Variants in ISOC1 observed in about 807,000 individuals in gnomAD.
ISOC1 encodes isochorismatase domain containing 1, also known as isochorismatase domain-containing protein 1.
In ISOC1, 33 loss-of-function variants were observed where a neutral mutation model predicts 30.0. The observed-to-expected ratio is 1.10, with a 90% CI of 0.83 to 1.47. The LOEUF is 1.47. Among genes scored for constraint, ISOC1 ranks in the 40% most tolerant of loss-of-function variants. The probability of loss-of-function intolerance (pLI) is 0.00; values close to 1 mark genes in which losing one functional copy is unlikely to be tolerated. For missense variants in ISOC1, 372 were observed against 388.0 expected (o/e 0.96, Z 0.35); for synonymous variants, 178 against 159.8 (o/e 1.11, Z -0.86).
chr5:129,101,192 A>AAAAAT (rs1554064627), intron 1 of ISOC1, among the ~76,000 whole-genome samples: 56 of 42,162 alleles, frequency 1.3e-3, no homozygotes, highest in Non-Finnish European at 1.6e-3. Flanking sequence ...AAAAAAAAAA[A>AAAAAT]ATATATATAT....
At chr5:129,096,830 A>G (rs191095056) in intron 1 of ISOC1, among the ~76,000 whole-genome samples, 148 of 152,248 alleles carry the variant, frequency 9.7e-4, no homozygotes, top group Non-Finnish European at 1.7e-3. Flanking sequence ...TATCTAAGAT[A>G]ATGCTATTCT....
chr5:129,102,706 G>A (rs1753587122), intron 1 of ISOC1, among the ~76,000 whole-genome samples: 2 of 152,282 alleles, frequency 1.3e-5, no homozygotes, highest in East Asian at 1.9e-4. Flanking sequence ...GGTCTAGACT[G>A]TAGCATTATT....
At chr5:129,096,464 T>C (rs1753502534) in intron 1 of ISOC1, among the ~76,000 whole-genome samples, 1 of 152,142 alleles carries the variant, frequency 6.6e-6, no homozygotes, top group East Asian at 1.9e-4. Flanking sequence ...AGTTCCTGCA[T>C]TCAGAGGACA....
chr5:129,112,571 G>T (rs1329814138), intron 4 of ISOC1, among the ~76,000 whole-genome samples: 1 of 152,010 alleles, frequency 6.6e-6, no homozygotes, highest in African/African-American at 2.4e-5. Context: ...ACAGTCATTT[G>T]CCTTGATGAC....
At chr5:129,104,926 G>T in intron 1 of ISOC1, 30 bp from the exon 2 acceptor site, 1 of 1,607,518 alleles carries the variant, frequency 6.2e-7, no homozygotes. Context: ...TACAACAAGT[G>T]CTAAATCATT....
intron 4 of ISOC1, among the ~76,000 whole-genome samples, chr5:129,107,296 T>A (rs1298781380): frequency 6.6e-6 from 1 of 152,162 alleles, no homozygotes; most frequent in Non-Finnish European, 1.5e-5. Context: ...CACAAACTCC[T>A]TTACATCTTT....
intron 3 of ISOC1, 95 bp from the exon 4 acceptor site, chr5:129,106,851 G>A: frequency 1.2e-6 from 1 of 812,230 alleles, no homozygotes; most frequent in Non-Finnish European, 2.1e-6. Flanking sequence ...TAGATGATCT[G>A]TAGTGCTCTG....
intron 4 of ISOC1, 46 bp downstream of exon 4, chr5:129,107,108 T>G: frequency 7.0e-7 from 1 of 1,434,470 alleles, no homozygotes; most frequent in Non-Finnish European, 9.8e-7. Flanking sequence ...GTTTTCCAAA[T>G]AAATGAGAAG....
At chr5:129,095,098 C>T (rs1286563126) in intron 1 of ISOC1, 23 bp downstream of exon 1, 8 of 1,522,538 alleles carry the variant, frequency 5.3e-6, no homozygotes, top group Non-Finnish European at 7.0e-6. Flanking sequence ...GGAGGCCGCG[C>T]GCTTCCCTGT....
intron 1 of ISOC1, among the ~76,000 whole-genome samples, chr5:129,100,919 A>G: frequency 6.6e-6 from 1 of 151,746 alleles, no homozygotes; most frequent in African/African-American, 2.4e-5. Context: ...ATTAAAAAAA[A>G]AAAACTAACT....
intron 1 of ISOC1, among the ~76,000 whole-genome samples, chr5:129,099,255 A>G (rs1015897903): frequency 1.1e-4 from 17 of 152,288 alleles, no homozygotes; most frequent in Non-Finnish European, 2.2e-4. Context: ...ATGTAGATTC[A>G]AATGTCATTG....
rs1753736770 is a variant in ISOC1, at chr5:129,113,438, A to G, written c.*437A>G. Reference sequence around the variant, plus strand: ...TGGATGTAGTGCTTTTACTTTACAGATTGATTGGAATAAGATTATTGCATA... The same window carrying G: ...TGGATGTAGTGCTTTTACTTTACAGGTTGATTGGAATAAGATTATTGCATA... On this transcript the variant is annotated 3_prime_UTR_variant, in exon 5 of 5. Coordinates refer to ENST00000173527, the MANE Select transcript of ISOC1 (RefSeq NM_016048.2). 6.5e-6 allele frequency: 1 copy of G among 154,362 alleles called. No individual in the cohort carries two copies. Among genetic ancestry groups the G allele is most frequent in the South Asian group, 2.0e-4 (1 of 4,970 alleles). 9.6% of individuals were successfully genotyped at this position (154,362 alleles called of 1,614,324 possible).
rs1253765441 is a variant in ISOC1, at chr5:129,112,886, C to G, written c.782C>G (p.Thr261Arg). The G allele has an allele frequency of 6.2e-7, 1 of 1,613,422 alleles. No individual in the cohort carries two copies. The highest frequency in any genetic ancestry group is 8.5e-7 in the Non-Finnish European group (1 of 1,179,718). ...RLARTGIIVT[T>R]SEAVLLQLVA... is the part of the protein sequence containing the mutation. Reference sequence around the variant, plus strand: ...GCTCGAACCGGGATCATAGTGACCACGAGTGAGGCTGTTCTGCTTCAGCTG... The same window carrying G: ...GCTCGAACCGGGATCATAGTGACCAGGAGTGAGGCTGTTCTGCTTCAGCTG... Residue 261 changes from threonine to arginine, a missense_variant, in exon 5 of 5, where the codon ACG (threonine) becomes AGG (arginine). Physicochemically the swap from Thr to Arg is moderately conservative, Grantham distance 71 (BLOSUM62 -1). Transcript: ENST00000173527.
At chr5:129,109,870 A>C (rs1487347777) in intron 4 of ISOC1, among the ~76,000 whole-genome samples, 1 of 152,186 alleles carries the variant, frequency 6.6e-6, no homozygotes, top group African/African-American at 2.4e-5. Flanking sequence ...GATAATTCCC[A>C]AGACTAGCTA....
intron 1 of ISOC1, 144 bp from the exon 2 acceptor site, chr5:129,104,812 C>A: frequency 4.4e-6 from 3 of 678,768 alleles, no homozygotes; most frequent in South Asian, 2.7e-5. Flanking sequence ...TCCTGTAATT[C>A]AGATACTTTT....
At chr5:129,095,189 C>T (rs1327966695) in intron 1 of ISOC1, 114 bp downstream of exon 1, 2 of 1,069,396 alleles carry the variant, frequency 1.9e-6, no homozygotes, top group Non-Finnish European at 2.6e-6. Flanking sequence ...GGACCCGGGC[C>T]CTGCGCGAGT....
Position 129,105,185 on chromosome 5 carries a change from T to C in ISOC1, c.430T>C (p.Leu144=). 3 of 1,613,482 alleles carry C rather than the reference T, an allele frequency of 1.9e-6. No individual in the cohort carries two copies. Among genetic ancestry groups the C allele is most frequent in the Non-Finnish European group, 2.5e-6 (3 of 1,179,742 alleles). The change falls in exon 3 of 5, where the codon TTG becomes CTG. Residue 144 remains leucine (L), a splice_region_variant and synonymous_variant. Coordinates refer to ENST00000173527, the MANE Select transcript of ISOC1 (RefSeq NM_016048.2). ...TTTGTGTTTGGTTATTTTTTTTCAGTTGCAAGGGGCCCGGATTTTAGGAAT... is the reference window on the plus strand; with the variant it reads ...TTTGTGTTTGGTTATTTTTTTTCAGCTGCAAGGGGCCCGGATTTTAGGAAT... ...GDIISVGQRL[L]QGARILGIPV...
Position 129,094,783 on chromosome 5 carries a change from C to G in ISOC1, c.17C>G (p.Pro6Arg). ...CGGGGGAACATGGCGGCTGCGGAGC[C>G]GGCGGTCCTTGCGCTCCCCAACAGC... is the stretch of plus-strand genomic sequence containing the variant. MAAAEPAVLALPNSGA... is the reference protein window; with the variant it reads MAAAERAVLALPNSGA... Residue 6 changes from proline to arginine, a missense_variant, in exon 1 of 5, where the codon CCG becomes CGG. Coordinates refer to ENST00000173527, the MANE Select transcript of ISOC1 (RefSeq NM_016048.2). The G allele has an allele frequency of 6.6e-7, 1 of 1,509,086 alleles. No individual in the cohort carries two copies. Among genetic ancestry groups the G allele is most frequent in the Non-Finnish European group, 8.8e-7 (1 of 1,134,360 alleles). The allele number at this position is 1,509,086 out of a possible 1,614,324, so 93.5% of individuals were successfully genotyped here. A position where few individuals can be genotyped will look rare whatever the true frequency, so the allele number is the denominator to read the frequency against.
At chr5:129,100,897 C>A (rs1753562244) in intron 1 of ISOC1, among the ~76,000 whole-genome samples, 1 of 149,508 alleles carries the variant, frequency 6.7e-6, no homozygotes. Context: ...AATATCATAG[C>A]ATAGGGAGGC....
Sources: allele counts gnomAD v4.1 joint callset (sites outside exome capture counted in the v4.1 genomes callset), GRCh38; gene constraint gnomAD v4.1.1; transcripts MANE v1.5; gene names NCBI Gene and HGNC (gene_info 2026-07-23, HGNC 2026-07-21).